The following CWC27 variants were observed in gnomAD, a reference collection of about 807,000 sequenced individuals.
The protein encoded by CWC27 is CWC27 spliceosome associated cyclophilin.
CWC27 carries 47 observed loss-of-function variants against 63.6 expected under a neutral mutation model. The observed-to-expected ratio is 0.74, with a 90% confidence interval of 0.58 to 0.94. The LOEUF (loss-of-function observed/expected upper bound fraction) is 0.94, where lower values mean the gene tolerates loss of function less well. CWC27 is among the 40% of genes least tolerant of loss of function. CWC27 has a pLI of 0.00. For synonymous variants in CWC27, 175 were observed against 179.8 expected (o/e 0.97, Z 0.22); for missense variants, 495 against 554.3 (o/e 0.89, Z 1.07).
chr5:64,848,113 T>G (rs1746037551), intron 10 of CWC27, among the ~76,000 whole-genome samples: 1 of 151,948 alleles, frequency 6.6e-6, no homozygotes, highest in African/African-American at 2.4e-5. Flanking sequence ...TTGACAGATT[T>G]TAGCTAACTT....
At chr5:64,894,886 G>A (rs903933590) in intron 11 of CWC27, among the ~76,000 whole-genome samples, 1 of 152,192 alleles carries the variant, frequency 6.6e-6, no homozygotes, top group African/African-American at 2.4e-5. Flanking sequence ...GGTAGCGAGG[G>A]TCTAACAAGA....
intron 1 of CWC27, chr5:64,773,796 A>C (rs1743345045): frequency 6.6e-6 from 1 of 152,204 alleles, no homozygotes; most frequent in Admixed American, 6.5e-5. Flanking sequence ...TGGGCCCAGC[A>C]GGGAGGGGTT....
At chr5:64,803,810 A>G (rs1038018876) in intron 9 of CWC27, among the ~76,000 whole-genome samples, 1 of 152,130 alleles carries the variant, frequency 6.6e-6, no homozygotes, top group African/African-American at 2.4e-5. Context: ...CTTGGATTAT[A>G]GAAATCTCAG....
At chr5:64,893,527 C>A (rs536883059) in intron 11 of CWC27, among the ~76,000 whole-genome samples, 9 of 152,112 alleles carry the variant, frequency 5.9e-5, no homozygotes, top group Non-Finnish European at 1.0e-4. Context: ...CACATAAACT[C>A]CAGGCAGATG....
At chr5:64,939,131 A>C (rs952839043) in intron 11 of CWC27, among the ~76,000 whole-genome samples, 2 of 152,022 alleles carry the variant, frequency 1.3e-5, no homozygotes, top group South Asian at 4.2e-4. Context: ...CTCATTCTCC[A>C]TCCAGTTTTG....
chr5:64,887,313 A>G (rs1747098226), intron 11 of CWC27, among the ~76,000 whole-genome samples: 1 of 152,196 alleles, frequency 6.6e-6, no homozygotes, highest in African/African-American at 2.4e-5. Context: ...TGATTTCTTA[A>G]TGCAAAAGAG....
At position 64,874,544 on chromosome 5, in the gene CWC27, G is replaced by A. The variant is rs1430379063; in HGVS notation, c.939-10899G>A. ...TGCAGTGGCACAATCCTGGTTCATT[G>A]CAACCTTCACCTCCCAAGTTGAAGC... On this transcript the variant is annotated intron_variant, in intron 10 of 13. Transcript: ENST00000381070. 2.0e-5 allele frequency among the ~76,000 whole-genome samples: 3 copies of A among 152,046 alleles called. No homozygotes were observed. In the East Asian group the frequency reaches 5.8e-4, roughly 30 times the overall value.
chr5:64,918,825 C>T (rs1428781367), intron 11 of CWC27, among the ~76,000 whole-genome samples: 1 of 152,168 alleles, frequency 6.6e-6, no homozygotes, highest in African/African-American at 2.4e-5. Flanking sequence ...TTCTATGGAA[C>T]ATCTACCAGA....
intron 11 of CWC27, among the ~76,000 whole-genome samples, chr5:64,886,435 T>A (rs1747073920): frequency 1.3e-5 from 2 of 152,152 alleles, no homozygotes; most frequent in South Asian, 4.1e-4. Flanking sequence ...ACACATTTGC[T>A]TGTACATATA....
At chr5:65,012,755 A>T (rs1297669729) in intron 13 of CWC27, among the ~76,000 whole-genome samples, 1 of 152,216 alleles carries the variant, frequency 6.6e-6, no homozygotes, top group Non-Finnish European at 1.5e-5. Flanking sequence ...GTCATTAGGA[A>T]CCAGCTGTTC....
chr5:64,805,756 A>G (rs928793536), intron 10 of CWC27, among the ~76,000 whole-genome samples: 2 of 152,104 alleles, frequency 1.3e-5, no homozygotes, highest in African/African-American at 4.8e-5. Flanking sequence ...TAAATTTTGT[A>G]TAAGAACTAA....
intron 11 of CWC27, among the ~76,000 whole-genome samples, chr5:64,943,304 A>G (rs990693233): frequency 6.6e-6 from 1 of 152,238 alleles, no homozygotes; most frequent in Non-Finnish European, 1.5e-5. Context: ...AATTAAAGAA[A>G]TTATCAGAAA....
intron 10 of CWC27, among the ~76,000 whole-genome samples, chr5:64,828,902 T>C (rs1034027216): frequency 3.3e-5 from 5 of 152,060 alleles, no homozygotes; most frequent in East Asian, 1.9e-4. Context: ...AAAGAGTACA[T>C]GCAAGCAAAA....
chr5:65,017,423 G>A (rs909695841), intron 13 of CWC27, among the ~76,000 whole-genome samples: 23 of 152,180 alleles, frequency 1.5e-4, no homozygotes, highest in African/African-American at 5.3e-4. Context: ...ATGGGGCACA[G>A]CTAATTACCA....
intron 10 of CWC27, among the ~76,000 whole-genome samples, chr5:64,861,914 T>C (rs1447425722): frequency 1.3e-5 from 2 of 152,248 alleles, no homozygotes; most frequent in African/African-American, 4.8e-5. Flanking sequence ...ATAACGATTT[T>C]AATACAATGT....
chr5:64,938,574 TTA>T (rs1748407692), intron 11 of CWC27, among the ~76,000 whole-genome samples: 1 of 152,174 alleles, frequency 6.6e-6, no homozygotes, highest in African/African-American at 2.4e-5. Flanking sequence ...AATCTGACAA[TTA>T]TATGTCTTGG....
At chr5:64,833,477 T>C (rs1467548112) in intron 10 of CWC27, among the ~76,000 whole-genome samples, 1 of 151,778 alleles carries the variant, frequency 6.6e-6, no homozygotes, top group Non-Finnish European at 1.5e-5. Context: ...GCAATTTAAA[T>C]GTCCTTGAGA....
chr5:64,828,116 ATAAT>A (rs1745414982), intron 10 of CWC27, among the ~76,000 whole-genome samples: 2 of 151,950 alleles, frequency 1.3e-5, no homozygotes, highest in African/African-American at 4.9e-5. Flanking sequence ...GTATTCTCTA[ATAAT>A]TTTCAGAATT....
At chr5:64,769,810 C>A (rs1435358213) in intron 1 of CWC27, among the ~76,000 whole-genome samples, 1 of 152,142 alleles carries the variant, frequency 6.6e-6, no homozygotes, top group Non-Finnish European at 1.5e-5. Flanking sequence ...CCTGAGATGA[C>A]TGTCAGTCAG....
Sources: gnomAD v4.1 joint callset for allele counts (sites outside exome capture counted in the v4.1 genomes callset) on GRCh38, gnomAD v4.1.1 for gene constraint, MANE v1.5 for transcripts, NCBI Gene and HGNC (gene_info 2026-07-23, HGNC 2026-07-21) for gene names.